Variants in TOP6BL observed in about 807,000 individuals in gnomAD.
TOP6BL encodes the protein TOP6B like initiator of meiotic double strand breaks.
the TOP6BL span, among the ~76,000 whole-genome samples, chr11:66,810,378 C>T: frequency 1.3e-5 from 2 of 152,150 alleles, no homozygotes; most frequent in African/African-American, 4.8e-5. Flanking sequence ...CTTTTAAAAA[C>T]ACAAAATATC....
chr11:66,795,651 G>A, the TOP6BL span, among the ~76,000 whole-genome samples: 1 of 151,558 alleles, frequency 6.6e-6, no homozygotes, highest in Non-Finnish European at 1.5e-5. Flanking sequence ...AGGTCAAAGC[G>A]GTAGGTTTTA....
chr11:66,796,981 C>G, the TOP6BL span, among the ~76,000 whole-genome samples: 86 of 151,330 alleles, frequency 5.7e-4, no homozygotes, highest in African/African-American at 2.0e-3. Flanking sequence ...GTGTGAGGCA[C>G]TGCACCTGGC....
chr11:66,808,143 G>C, the TOP6BL span, among the ~76,000 whole-genome samples: 3 of 152,326 alleles, frequency 2.0e-5, no homozygotes, highest in Admixed American at 1.3e-4. Flanking sequence ...CCAGGTGTAA[G>C]AAAGGACAAG....
chr11:66,824,715 C>A, the TOP6BL span, among the ~76,000 whole-genome samples: 1 of 149,136 alleles, frequency 6.7e-6, no homozygotes, highest in African/African-American at 2.5e-5. Context: ...TTTGTCCTTG[C>A]GATAGTTTGC....
chr11:66,803,907 A>T, the TOP6BL span: 1 of 1,086,232 alleles, frequency 9.2e-7, no homozygotes, highest in Non-Finnish European at 1.3e-6. Flanking sequence ...TACATATGCT[A>T]GAGGTTACAA....
chr11:66,828,733 G>A, the TOP6BL span: 1,083 of 173,966 alleles, frequency 6.2e-3, 8 homozygotes, highest in African/African-American at 0.024. Context: ...TAAGTCAATC[G>A]TACTGACTGG....
At chr11:66,751,782 T>G in the TOP6BL span, among the ~76,000 whole-genome samples, 1 of 152,184 alleles carries the variant, frequency 6.6e-6, no homozygotes, top group Non-Finnish European at 1.5e-5. Flanking sequence ...TAGATCAATA[T>G]TTACTCATCA....
chr11:66,805,741 C>T, the TOP6BL span, among the ~76,000 whole-genome samples: 1 of 151,970 alleles, frequency 6.6e-6, no homozygotes, highest in African/African-American at 2.4e-5. Context: ...AGGCATAAGC[C>T]ACTGTGCTCG....
At chr11:66,746,727 T>A in the TOP6BL span, among the ~76,000 whole-genome samples, 2 of 149,232 alleles carry the variant, frequency 1.3e-5, no homozygotes, top group Non-Finnish European at 1.5e-5. Context: ...AAAAAAAAAA[T>A]TAGCAGGGTG....
At chr11:66,843,055 G>A in the TOP6BL span, 2 of 1,566,074 alleles carry the variant, frequency 1.3e-6, no homozygotes, top group Non-Finnish European at 1.7e-6. Context: ...GGCGAGCCTC[G>A]GAAGCCGCCT....
the TOP6BL span, among the ~76,000 whole-genome samples, chr11:66,794,718 A>G: frequency 6.6e-6 from 1 of 152,344 alleles, no homozygotes; most frequent in East Asian, 1.9e-4. Flanking sequence ...AGTATTAGAA[A>G]GACTTAAGGT....
At chr11:66,841,123 T>TA in the TOP6BL span, among the ~76,000 whole-genome samples, 2 of 145,828 alleles carry the variant, frequency 1.4e-5, no homozygotes, top group African/African-American at 5.2e-5. Context: ...TTTTTTTTTT[T>TA]TTTTTTTTTT....
chr11:66,748,011 A>G, the TOP6BL span, among the ~76,000 whole-genome samples: 2 of 152,220 alleles, frequency 1.3e-5, no homozygotes, highest in Non-Finnish European at 2.9e-5. Flanking sequence ...ACTCTTATTC[A>G]TAGTCTTCAT....
chr11:66,832,252 C>G, the TOP6BL span, among the ~76,000 whole-genome samples: 2 of 151,828 alleles, frequency 1.3e-5, no homozygotes, highest in Non-Finnish European at 2.9e-5. Context: ...CACCTGCCAC[C>G]ATGCCCGACT....
chr11:66,803,145 G>A, the TOP6BL span, among the ~76,000 whole-genome samples: 1 of 152,188 alleles, frequency 6.6e-6, no homozygotes, highest in East Asian at 1.9e-4. Flanking sequence ...TGTAGCATGC[G>A]TGAGAGCAGA....
chr11:66,792,111 CCT>C, the TOP6BL span, among the ~76,000 whole-genome samples: 1 of 152,018 alleles, frequency 6.6e-6, no homozygotes, highest in African/African-American at 2.4e-5. Context: ...CACCCAGCTT[CCT>C]CTCTCTAATA....
At chr11:66,826,993 T>C in the TOP6BL span, among the ~76,000 whole-genome samples, 1 of 146,304 alleles carries the variant, frequency 6.8e-6, no homozygotes, top group Non-Finnish European at 1.5e-5. Context: ...TTTTTTTTTT[T>C]TTTTTGAGAC....
At chr11:66,808,730 G>A in the TOP6BL span, among the ~76,000 whole-genome samples, 5 of 152,134 alleles carry the variant, frequency 3.3e-5, no homozygotes, top group Non-Finnish European at 7.4e-5. Context: ...CAACTTAAGT[G>A]AATTTGTAAA....
At chr11:66,840,357 A>G in the TOP6BL span, among the ~76,000 whole-genome samples, 6 of 151,968 alleles carry the variant, frequency 3.9e-5, no homozygotes, top group African/African-American at 1.5e-4. Context: ...GCACCCTCCC[A>G]CTGCAGAACC....
Sources: allele counts gnomAD v4.1 joint callset (sites outside exome capture counted in the v4.1 genomes callset), GRCh38; gene constraint gnomAD v4.1.1; transcripts MANE v1.5; gene names NCBI Gene and HGNC (gene_info 2026-07-23, HGNC 2026-07-21).